Variants in COL17A1 observed in about 807,000 individuals in gnomAD.
The protein encoded by COL17A1 is collagen alpha-1(XVII) chain.
In COL17A1, 181 loss-of-function variants were observed where a neutral mutation model predicts 218.4. The ratio of observed to expected loss-of-function variants is 0.83; its 90% CI spans 0.73 to 0.94. The LOEUF is 0.94. Among genes scored for constraint, COL17A1 ranks in the 40% least tolerant of loss-of-function variants. The probability of loss-of-function intolerance (pLI) is 0.00; values close to 1 mark genes in which losing one functional copy is unlikely to be tolerated. For synonymous variants in COL17A1, 721 were observed against 731.0 expected, an observed-to-expected ratio of 0.99 and a Z score of 0.22; for missense variants, 1,924 against 1,945.9, an observed-to-expected ratio of 0.99 and a Z score of 0.21.
intron 52 of COL17A1, 149 bp from the exon 53 acceptor site, chr10:104,033,524 A>G: frequency 1.0e-6 from 1 of 962,362 alleles, no homozygotes; most frequent in Non-Finnish European, 1.6e-6. Context: ...CTTCCTTTGT[A>G]TTCCACTGTG....
rs1360031450 is a variant in COL17A1, at chr10:104,041,122, G to T, written c.2648-4C>A. 1 of 1,609,026 alleles carries T rather than the reference G, an allele frequency of 6.2e-7. No individual in the cohort carries two copies. The highest frequency in any genetic ancestry group is 1.4e-5 in the African/African-American group (1 of 73,666). ...GGTGGGCCTGGCAAACCCTCCCCTA[G>T]GAAAGAGAACCCCCAAGACTTATTA... On this transcript the variant is annotated splice_region_variant and splice_polypyrimidine_tract_variant and intron_variant, in intron 38 of 55. Coordinates refer to ENST00000648076, the MANE Select transcript of COL17A1 (RefSeq NM_000494.4).
At chr10:104,077,076 CT>C (rs1385131939) in intron 4 of COL17A1, among the ~76,000 whole-genome samples, 1 of 152,072 alleles carries the variant, frequency 6.6e-6, no homozygotes, top group Non-Finnish European at 1.5e-5. Context: ...AAAGAGATGG[CT>C]TAAAGGGAGT....
Position 104,041,308 on chromosome 10 carries a change from G to A in COL17A1, c.2642C>T (p.Pro881Leu), listed in dbSNP as rs758191146. Residue 881 changes from proline to leucine, a missense_variant, in exon 38 of 56, where the codon CCA (proline) becomes CTA (leucine). By Grantham distance (98) the Pro-to-Leu change is moderately conservative. Coordinates refer to ENST00000648076, the MANE Select transcript of COL17A1 (RefSeq NM_000494.4). ...GTGGTAAGCTCGGCTCTCACCTGGTGGGCCTCGGGGTCCTGGTGGGCCTGG... is the reference window on the plus strand; with the variant it reads ...GTGGTAAGCTCGGCTCTCACCTGGTAGGCCTCGGGGTCCTGGTGGGCCTGG... Reference protein sequence around the residue: ...SIPGPPGPRGPPGEGLPGPPG... With the variant: ...SIPGPPGPRGLPGEGLPGPPG... 17 of 1,609,124 alleles carry A rather than the reference G, an allele frequency of 1.1e-5. No individual in the cohort carries two copies. The South Asian group carries it at 1.7e-4, about 16-fold the overall frequency.
At chr10:104,069,435 C>G (rs567254393) in intron 9 of COL17A1, among the ~76,000 whole-genome samples, 2 of 152,250 alleles carry the variant, frequency 1.3e-5, no homozygotes, top group African/African-American at 4.8e-5. Context: ...CCCTTGGCAT[C>G]CCCCTTCCTC....
At chr10:104,061,316 T>G in intron 13 of COL17A1, 89 bp downstream of exon 13, 7 of 1,275,242 alleles carry the variant, frequency 5.5e-6, no homozygotes, top group Non-Finnish European at 7.8e-6. Context: ...GTATACCATG[T>G]GTATTGGAAG....
In COL17A1 at chr10:104,033,386, C is replaced by G. The variant is rs1844716832; in HGVS notation, c.4157-11G>C. On this transcript the variant is annotated splice_polypyrimidine_tract_variant and intron_variant, in intron 52 of 55. Coordinates refer to ENST00000648076, the MANE Select transcript of COL17A1 (RefSeq NM_000494.4). ...GCAGTAGGCCCTGACCTGTAAAACA[C>G]CAGAGCTTGGGCACAGGAAGCAGGG... 3 of 1,609,276 alleles carry G rather than the reference C, an allele frequency of 1.9e-6. No homozygotes were observed. Among genetic ancestry groups the G allele is most frequent in the Non-Finnish European group, 2.5e-6 (3 of 1,178,304 alleles).
At chr10:104,063,655 A>G in intron 11 of COL17A1, 92 bp downstream of exon 11, 1 of 1,569,856 alleles carries the variant, frequency 6.4e-7, no homozygotes, top group African/African-American at 1.4e-5. Flanking sequence ...TGCAGTATGC[A>G]TGGAAGAAAG....
At chr10:104,040,609 G>A (rs1238215985) in intron 39 of COL17A1, among the ~76,000 whole-genome samples, 199 bp from the exon 40 acceptor site, 5 of 151,952 alleles carry the variant, frequency 3.3e-5, no homozygotes, top group Non-Finnish European at 7.4e-5. Context: ...TAGGTGGATG[G>A]ATGGATGGAT....
At chr10:104,074,426 G>A (rs1346349446) in intron 5 of COL17A1, among the ~76,000 whole-genome samples, 195 bp from the exon 6 acceptor site, 1 of 152,236 alleles carries the variant, frequency 6.6e-6, no homozygotes, top group Admixed American at 6.5e-5. Context: ...TCATGGCCCT[G>A]GTCGCAGCAC....
chr10:104,071,769 G>A (rs1035080547), intron 8 of COL17A1, among the ~76,000 whole-genome samples: 5 of 152,108 alleles, frequency 3.3e-5, no homozygotes, highest in African/African-American at 4.8e-5. Context: ...ACTGAGTTGC[G>A]ATGGTTGGTT....
chr10:104,042,013 C>A (rs1198852957), intron 36 of COL17A1, among the ~76,000 whole-genome samples: 1 of 152,224 alleles, frequency 6.6e-6, no homozygotes, highest in African/African-American at 2.4e-5. Context: ...ACCGGGTGGG[C>A]TGAAGCCTCT....
Position 104,035,337 on chromosome 10 carries a change from G to T in COL17A1, c.3545C>A (p.Pro1182His), listed in dbSNP as rs375511597. The change falls in exon 50 of 56, where the codon CCC becomes CAC. Residue 1182 changes from proline to histidine, a missense_variant. By Grantham distance (77) the Pro-to-His change is moderately conservative (BLOSUM62 -2). Transcript: ENST00000648076. The stretch of plus-strand genomic sequence containing the variant: ...GCCTGGGATCCCTGGTGGACCCGGG[G>T]GACCTGGGGGTCCAACGATGCCTCT... ...EFRGIVGPPG[P>H]PGPPGIPGNV... 1.5e-5 allele frequency: 25 copies of T among 1,614,102 alleles called. No individual in the cohort carries two copies. Among genetic ancestry groups the T allele is most frequent in the Non-Finnish European group, 2.0e-5 (24 of 1,180,038 alleles).
At chr10:104,045,456 G>T (rs1390108380) in intron 33 of COL17A1, among the ~76,000 whole-genome samples, 1 of 152,204 alleles carries the variant, frequency 6.6e-6, no homozygotes, top group Admixed American at 6.5e-5. Flanking sequence ...ACAGGGCACA[G>T]AAAGGCTTTG....
chr10:104,072,284 G>A (rs1251006897), intron 7 of COL17A1, among the ~76,000 whole-genome samples: 2 of 152,134 alleles, frequency 1.3e-5, no homozygotes, highest in Non-Finnish European at 2.9e-5. Context: ...CCTGCCAACT[G>A]CATACCTCCC....
rs539405586 is a variant in COL17A1 at position 104,079,285 on chromosome 10, C to T, written c.53-699G>A. On this transcript the variant is annotated intron_variant, in intron 2 of 55. Transcript: ENST00000648076. Reference sequence around the variant, plus strand: ...GTGGCCCTCAGCACTACCTCCGTCTCTGGTGGGTATACAGAAGACCCTACC... The same window carrying T: ...GTGGCCCTCAGCACTACCTCCGTCTTTGGTGGGTATACAGAAGACCCTACC... Among the ~76,000 whole-genome samples the T allele has an allele frequency of 9.9e-5, 15 of 152,272 alleles. No homozygotes were observed. The South Asian group carries it at 2.5e-3, about 25-fold the overall frequency.
intron 9 of COL17A1, among the ~76,000 whole-genome samples, chr10:104,067,696 G>A (rs770484589): frequency 7.2e-5 from 11 of 152,134 alleles, no homozygotes; most frequent in Non-Finnish European, 1.5e-4. Flanking sequence ...CTGCAGAGCC[G>A]AAGCAAACAG....
At chr10:104,048,260 G>A (rs2086433699) in intron 29 of COL17A1, 156 bp from the exon 30 acceptor site, 3 of 804,474 alleles carry the variant, frequency 3.7e-6, no homozygotes, top group East Asian at 2.4e-5. Context: ...CTCTGGATAC[G>A]GTACTCCCAC....
chr10:104,080,798 A>G lies in COL17A1; in HGVS notation c.-11-114T>C, dbSNP rs186360679. 3.9e-5 allele frequency: 44 copies of G among 1,116,164 alleles called. No individual in the cohort carries two copies. The East Asian group carries it at 8.9e-4, about 22-fold the overall frequency. The allele number at this position is 1,116,164 out of a possible 1,614,324, so 69.1% of individuals were successfully genotyped here. Reference sequence around the variant, plus strand: ...ACATGATTTCAAGAATTTAAACCATAATTCTTTCACGTGAATATTTTTTAT... The same window carrying G: ...ACATGATTTCAAGAATTTAAACCATGATTCTTTCACGTGAATATTTTTTAT... On this transcript the variant is annotated intron_variant, in intron 1 of 55. Coordinates refer to ENST00000648076, the MANE Select transcript of COL17A1 (RefSeq NM_000494.4).
rs117564807 is a variant in COL17A1 at position 104,040,357 on chromosome 10, C to T, written c.2755G>A (p.Asp919Asn). The change falls in exon 40 of 56, where the codon GAC becomes AAC. Residue 919 changes from aspartate (D) to asparagine (N), a missense_variant. Physicochemically the swap from Asp to Asn is conservative, Grantham distance 23. Transcript: ENST00000648076. Reference protein sequence around the residue: ...GPPGPPGPKGDQGPPGPRGHQ... With the variant: ...GPPGPPGPKGNQGPPGPRGHQ... ...CCTGATACACTGTTCTCACCTTGGT[C>T]TCCCTTGGGACCTGGGGGGCCAGGT... 1,811 of 1,607,220 alleles carry T rather than the reference C, an allele frequency of 1.1e-3. 10 individuals carry two copies. In the East Asian group the frequency reaches 0.015, roughly 13 times the overall value.
Sources: gnomAD v4.1 joint callset for allele counts (sites outside exome capture counted in the v4.1 genomes callset) on GRCh38, gnomAD v4.1.1 for gene constraint, MANE v1.5 for transcripts, NCBI Gene and HGNC (gene_info 2026-07-23, HGNC 2026-07-21) for gene names.